The following TBC1D8B variants were observed in gnomAD, a reference collection of about 807,000 sequenced individuals.
TBC1D8B encodes the protein TBC1 domain family member 8B.
Under a neutral mutation model 82.9 loss-of-function variants are expected in TBC1D8B, and 75 were observed. That is an observed-to-expected ratio of 0.90 (90% CI 0.75 to 1.10). The LOEUF is 1.10. Ranked by LOEUF, TBC1D8B falls within the 50% of genes least tolerant of loss-of-function variation. The pLI, the probability that TBC1D8B is intolerant of heterozygous loss-of-function variation, is 0.00. For missense variants in TBC1D8B, 794 were observed against 796.9 expected, an observed-to-expected ratio of 1.00 and a Z score of 0.04; for synonymous variants, 276 against 276.8, an observed-to-expected ratio of 1.00 and a Z score of 0.03.
In TBC1D8B at chrX:106,874,131, C is replaced by T; in HGVS notation, c.*166C>T. The T allele has an allele frequency of 2.5e-6, 1 of 407,174 alleles. No individual in the cohort carries two copies. The highest frequency in any genetic ancestry group is 3.8e-6 in the Non-Finnish European group (1 of 259,863). The allele number at this position is 407,174 out of a possible 1,213,427, so 33.6% of individuals were successfully genotyped here. A position where few individuals can be genotyped will look rare whatever the true frequency, so the allele number is the denominator to read the frequency against. ...TCATTCCTTTGTTGTTGATAATGGG[C>T]TTTGTTAGCACTTTTTAAAACAAAC... On this transcript the variant is annotated 3_prime_UTR_variant, in exon 21 of 21. Transcript: ENST00000357242.
chrX:106,848,897 G>A (rs993339651), intron 11 of TBC1D8B, among the ~76,000 whole-genome samples: 1 of 108,846 alleles, frequency 9.2e-6, no homozygotes, highest in African/African-American at 3.3e-5. Flanking sequence ...AGCCTCCCGA[G>A]TAGCTGGGAC....
chrX:106,813,273 G>C (rs764112562), intron 1 of TBC1D8B, among the ~76,000 whole-genome samples: 1 of 111,915 alleles, frequency 8.9e-6, no homozygotes, highest in Non-Finnish European at 1.9e-5. Flanking sequence ...CCCAGAAATT[G>C]GTACATATTA....
At chrX:106,811,263 G>A (rs980788792) in intron 1 of TBC1D8B, among the ~76,000 whole-genome samples, 1 of 112,045 alleles carries the variant, frequency 8.9e-6, no homozygotes, top group African/African-American at 3.2e-5. Context: ...GGTGACCCAT[G>A]CCTGTAATCT....
intron 7 of TBC1D8B, chrX:106,829,203 A>G (rs1224153784): frequency 9.3e-6 from 1 of 107,800 alleles, no homozygotes. Flanking sequence ...ATTGCTTCAA[A>G]GAGAATAGAA....
intron 1 of TBC1D8B, among the ~76,000 whole-genome samples, chrX:106,817,804 T>C (rs941121391): frequency 1.8e-5 from 2 of 111,025 alleles, no homozygotes; most frequent in African/African-American, 6.5e-5. Flanking sequence ...TTGAAGAAAA[T>C]GTAGAATTCA....
chrX:106,804,901 AAAATT>A (rs1351860764), intron 1 of TBC1D8B, among the ~76,000 whole-genome samples: 29 of 110,572 alleles, frequency 2.6e-4, no homozygotes, highest in African/African-American at 8.5e-4. Context: ...AAAGAAAAAA[AAAATT>A]AAAATAGATT....
In TBC1D8B at chrX:106,869,469, A is replaced by G; in HGVS notation, c.2813-16A>G. 1 of 1,201,251 alleles carries G rather than the reference A, an allele frequency of 8.3e-7. No homozygotes were observed. Among genetic ancestry groups the G allele is most frequent in the Non-Finnish European group, 1.1e-6 (1 of 887,460 alleles). ...GTTAAACATCTTACAGAATGCAATTACATCTTTTCTTATAGTTTCCAAGCC... is the reference window on the plus strand; with the variant it reads ...GTTAAACATCTTACAGAATGCAATTGCATCTTTTCTTATAGTTTCCAAGCC... On this transcript the variant is annotated splice_polypyrimidine_tract_variant and intron_variant, in intron 18 of 20. Coordinates refer to ENST00000357242, the MANE Select transcript of TBC1D8B (RefSeq NM_017752.3).
chrX:106,838,418 T>C (rs1932227962), intron 7 of TBC1D8B, among the ~76,000 whole-genome samples: 1 of 111,717 alleles, frequency 9.0e-6, no homozygotes, highest in Admixed American at 9.5e-5. Flanking sequence ...AGGATATCTG[T>C]GTGAAGGTAT....
intron 18 of TBC1D8B, 119 bp from the exon 19 acceptor site, chrX:106,869,366 A>C: frequency 1.9e-6 from 1 of 523,536 alleles, no homozygotes; most frequent in African/African-American, 2.4e-5. Context: ...AAGTCAGCTA[A>C]AATTTGTTTG....
rs754750198 is a variant in TBC1D8B, at chrX:106,833,759, TTTTTCCCTCTGGGATAC to T, written c.1204-5542_1204-5526del. 1.6e-3 allele frequency among the ~76,000 whole-genome samples: 177 copies of T among 111,283 alleles called. No individual in the cohort carries two copies. In the Middle Eastern group the frequency reaches 0.018, roughly 12 times the overall value. ...GGGTTTCATTGCTTAAGAGGTTATT[TTTTTCCCTCTGGGATAC>T]TTTTCCTGTAGTTTAGAACAATAGA... On this transcript the variant is annotated intron_variant, in intron 7 of 20. Coordinates refer to ENST00000357242, the MANE Select transcript of TBC1D8B (RefSeq NM_017752.3).
At chrX:106,810,404 A>G (rs957842997) in intron 1 of TBC1D8B, among the ~76,000 whole-genome samples, 3 of 112,042 alleles carry the variant, frequency 2.7e-5, no homozygotes, top group Non-Finnish European at 3.8e-5. Context: ...GGAGTTGAAA[A>G]TATGAGACTC....
chrX:106,844,316 A>G (rs1029283383), intron 10 of TBC1D8B, among the ~76,000 whole-genome samples: 3 of 109,467 alleles, frequency 2.7e-5, no homozygotes, highest in African/African-American at 9.9e-5. Flanking sequence ...GTCTTTCACC[A>G]TAAAGTATAA....
chrX:106,826,012 A>AT lies in TBC1D8B; in HGVS notation c.828-12dup. 2 of 1,199,662 alleles carry AT rather than the reference A, an allele frequency of 1.7e-6. No individual in the cohort carries two copies. The highest frequency in any genetic ancestry group is 2.3e-6 in the Non-Finnish European group (2 of 887,927). ...TAAAAATTCATTTGTGCCTTATCCC[A>AT]TTTTTTCTTTCCTACAGAGGTCTGG... On this transcript the variant is annotated splice_polypyrimidine_tract_variant and intron_variant, in intron 5 of 20. Transcript: ENST00000357242.
chrX:106,843,669 G>A (rs1932368491), intron 10 of TBC1D8B, among the ~76,000 whole-genome samples: 1 of 110,153 alleles, frequency 9.1e-6, no homozygotes, highest in African/African-American at 3.3e-5. Context: ...AGATTGTTTT[G>A]GCTCTTTTAG....
At chrX:106,805,386 AG>A in intron 1 of TBC1D8B, among the ~76,000 whole-genome samples, 1 of 110,481 alleles carries the variant, frequency 9.1e-6, no homozygotes. Context: ...CACCTCACCC[AG>A]CCTGACATGC....
In TBC1D8B at chrX:106,818,768, C is replaced by T. The variant is rs1169011736; in HGVS notation, c.236C>T (p.Ala79Val). 1.7e-6 allele frequency: 2 copies of T among 1,183,343 alleles called. No individual in the cohort carries two copies. The highest frequency in any genetic ancestry group is 1.8e-5 in the African/African-American group (1 of 56,866). ...GATTCTCAAGTTTACTTGTCAATTG[C>T]ATGTGGTGAGTATGATTTTTAAAAC... ...TPDSQVYLSI[A>V]CGANREEITK... is the part of the protein sequence containing the mutation. The change falls in exon 2 of 21, where the codon GCA becomes GTA. Residue 79 changes from alanine (A) to valine (V), a missense_variant. Transcript: ENST00000357242.
intron 10 of TBC1D8B, among the ~76,000 whole-genome samples, chrX:106,844,674 A>G (rs1179993490): frequency 9.2e-6 from 1 of 109,147 alleles, no homozygotes; most frequent in Non-Finnish European, 1.9e-5. Context: ...TTTTATGCTT[A>G]TATTTGTAAG....
At chrX:106,834,935 G>A (rs1329375319) in intron 7 of TBC1D8B, among the ~76,000 whole-genome samples, 1 of 112,072 alleles carries the variant, frequency 8.9e-6, no homozygotes, top group African/African-American at 3.2e-5. Flanking sequence ...AATGCCTGCA[G>A]CTTTTCCAAG....
chrX:106,858,694 G>A (rs956297246), intron 14 of TBC1D8B, among the ~76,000 whole-genome samples: 1 of 112,265 alleles, frequency 8.9e-6, no homozygotes, highest in Admixed American at 9.4e-5. Flanking sequence ...GTTTTACTGT[G>A]CAAATGCTCC....
Sources: allele counts gnomAD v4.1 joint callset (sites outside exome capture counted in the v4.1 genomes callset), GRCh38; gene constraint gnomAD v4.1.1; transcripts MANE v1.5; gene names NCBI Gene and HGNC (gene_info 2026-07-23, HGNC 2026-07-21).